Variants in OPRK1 observed in about 807,000 individuals in gnomAD.
OPRK1 encodes the protein opioid receptor kappa 1.
A neutral mutation model predicts 24.5 loss-of-function variants in OPRK1; 15 were observed. The ratio of observed to expected loss-of-function variants is 0.61; its 90% confidence interval spans 0.41 to 0.94. The LOEUF (loss-of-function observed/expected upper bound fraction) is 0.94. Ranked by LOEUF, OPRK1 falls within the 40% of genes least tolerant of loss-of-function variation. The pLI is 0.00. For missense variants in OPRK1, 479 were observed against 507.3 expected, an observed-to-expected ratio of 0.94 and a Z score of 0.54; for synonymous variants, 205 against 198.0, an observed-to-expected ratio of 1.04 and a Z score of -0.30.
At chr8:53,249,688 A>T (rs1407781716) in intron 2 of OPRK1, among the ~76,000 whole-genome samples, 1 of 152,262 alleles carries the variant, frequency 6.6e-6, no homozygotes, top group African/African-American at 2.4e-5. Context: ...TCCAAGAGAA[A>T]CATTTATGCT....
At chr8:53,245,512 C>T (rs1807208476) in intron 2 of OPRK1, among the ~76,000 whole-genome samples, 1 of 152,156 alleles carries the variant, frequency 6.6e-6, no homozygotes, top group Non-Finnish European at 1.5e-5. Context: ...GCAGCCTCAG[C>T]AAACTAAGGG....
At chr8:53,238,630 C>A in intron 2 of OPRK1, 9 of 985,450 alleles carry the variant, frequency 9.1e-6, no homozygotes, top group Non-Finnish European at 1.1e-5. Context: ...TCAAGACCAT[C>A]CTAGCGTACT....
rs202053002 is a variant in OPRK1 at position 53,234,752 on chromosome 8, C to T, written c.610+7G>A. 1.1e-5 allele frequency: 18 copies of T among 1,604,190 alleles called. No homozygotes were observed. The highest frequency in any genetic ancestry group is 1.5e-5 in the Non-Finnish European group (17 of 1,171,804). On this transcript the variant is annotated splice_region_variant and intron_variant, in intron 3 of 3. Coordinates refer to ENST00000265572, the MANE Select transcript of OPRK1 (RefSeq NM_000912.5). ...TTTTATGAACAGAATGAAATGACTG[C>T]TCTTACCTTCCCTGACTTTGGTGCC...
intron 3 of OPRK1, among the ~76,000 whole-genome samples, chr8:53,231,080 T>C (rs10099942): frequency 6.6e-6 from 1 of 151,992 alleles, no homozygotes; most frequent in Non-Finnish European, 1.5e-5. Flanking sequence ...CCTTCATGTA[T>C]CAATGAAATA....
chr8:53,239,065 C>G (rs1253746662), intron 2 of OPRK1, among the ~76,000 whole-genome samples: 1 of 152,150 alleles, frequency 6.6e-6, no homozygotes, highest in Non-Finnish European at 1.5e-5. Context: ...ATATACCTTT[C>G]AAATCAACAC....
At chr8:53,236,981 T>G (rs1490598219) in intron 2 of OPRK1, among the ~76,000 whole-genome samples, 2 of 152,152 alleles carry the variant, frequency 1.3e-5, no homozygotes, top group Non-Finnish European at 2.9e-5. Flanking sequence ...CGAGTATATT[T>G]TAGAGGGTCC....
chr8:53,233,059 T>C (rs995039094), intron 3 of OPRK1, among the ~76,000 whole-genome samples: 12 of 152,238 alleles, frequency 7.9e-5, no homozygotes, highest in African/African-American at 2.9e-4. Context: ...TATGATAAAG[T>C]TGGGCATTTC....
intron 3 of OPRK1, among the ~76,000 whole-genome samples, chr8:53,233,964 G>A (rs1283343855): frequency 6.6e-6 from 1 of 151,972 alleles, no homozygotes; most frequent in Non-Finnish European, 1.5e-5. Flanking sequence ...TTGGGAGGCC[G>A]AGGCGGGCAG....
chr8:53,230,921 A>T lies in OPRK1; in HGVS notation c.611-1092T>A, dbSNP rs148349404. On this transcript the variant is annotated intron_variant, in intron 3 of 3. Coordinates refer to ENST00000265572, the MANE Select transcript of OPRK1 (RefSeq NM_000912.5). ...AAAAATAGCACATGAATATTTTTTT[A>T]AATAGCAAAACAGCTCTATTAATGT... 8.7e-3 allele frequency among the ~76,000 whole-genome samples: 1,323 copies of T among 152,336 alleles called. 86 individuals are homozygous for T. The highest frequency in any genetic ancestry group is 0.081 in the Admixed American group (1,243 of 15,298).
Position 53,234,934 on chromosome 8 carries a change from G to T in OPRK1, c.435C>A (p.Ser145Arg), listed in dbSNP as rs1806953964. 6.2e-7 allele frequency: 1 copy of T among 1,614,226 alleles called. No homozygotes were observed. Among genetic ancestry groups the T allele is most frequent in the Non-Finnish European group, 8.5e-7 (1 of 1,180,038 alleles). The change falls in exon 3 of 4, where the codon AGC becomes AGA. Residue 145 changes from serine (S) to arginine (R), a missense_variant. Physicochemically the swap from Ser to Arg is moderately radical, Grantham distance 110. Transcript: ENST00000265572. ...CGCTCATCATGGTCAAGGTGAAGATGCTGGTGAACATGTTGTAGTAATCAA... is the reference window on the plus strand; with the variant it reads ...CGCTCATCATGGTCAAGGTGAAGATTCTGGTGAACATGTTGTAGTAATCAA... ...ISIDYYNMFT[S>R]IFTLTMMSVD...
rs534930417 is a variant in OPRK1, at chr8:53,236,780, C to A, written c.258-1669G>T. Among the ~76,000 whole-genome samples, 741 of 152,178 alleles carry A rather than the reference C, an allele frequency of 4.9e-3. 4 individuals are homozygous for A. The highest frequency in any genetic ancestry group is 0.034 in the South Asian group (162 of 4,816). ...TTTGAAAAAAATGCATCTTACAAAC[C>A]TAACTTCTACTCTTTCAACTCCTCC... On this transcript the variant is annotated intron_variant, in intron 2 of 3. Transcript: ENST00000265572.
chr8:53,250,801 C>G lies in OPRK1; in HGVS notation c.237G>C (p.Leu79=). 6.2e-7 allele frequency: 1 copy of G among 1,610,194 alleles called. No homozygotes were observed. The highest frequency in any genetic ancestry group is 1.1e-5 in the South Asian group (1 of 90,618). The change falls in exon 2 of 4, where the codon CTG becomes CTC. Residue 79 remains leucine, a synonymous_variant. Transcript: ENST00000265572. ...VFVVGLVGNS[L]VMFVIIRYTK... ...CTCACCGGATGATCACGAACATGAC[C>G]AGCGAGTTGCCCACCAAGCCCACGA... is the stretch of plus-strand genomic sequence containing the variant.
At position 53,225,727 on chromosome 8, in the gene OPRK1, T is replaced by G. The variant is rs1806663741; in HGVS notation, c.*3570A>C. 6.6e-6 allele frequency: 1 copy of G among 152,660 alleles called. No homozygotes were observed. The highest frequency in any genetic ancestry group is 1.5e-5 in the Non-Finnish European group (1 of 68,044). 9.5% of individuals were successfully genotyped at this position (152,660 alleles called of 1,614,324 possible). ...TTACCACAATAATTGACTGTTGTGA[T>G]TTTCAGCAGGTACAGTTTTGATTTT... On this transcript the variant is annotated 3_prime_UTR_variant, in exon 4 of 4. Transcript: ENST00000265572.
chr8:53,244,479 A>G (rs997135354), intron 2 of OPRK1, among the ~76,000 whole-genome samples: 7 of 152,176 alleles, frequency 4.6e-5, no homozygotes, highest in Non-Finnish European at 1.0e-4. Flanking sequence ...GGAGGTTTCA[A>G]TACTGCTGAG....
At position 53,229,309 on chromosome 8, in the gene OPRK1, A is replaced by G; in HGVS notation, c.1131T>C (p.Asn377=). Residue 377 remains asparagine, a synonymous_variant, in exon 4 of 4, where the codon AAT becomes AAC. Coordinates refer to ENST00000265572, the MANE Select transcript of OPRK1 (RefSeq NM_000912.5). ...PAYLRDIDGM[N]KPV ...TCTCCACGACTAGTCATACTGGTTT[A>G]TTCATCCCATCGATGTCCCTCAGGT... 6.2e-7 allele frequency: 1 copy of G among 1,613,578 alleles called. No individual in the cohort carries two copies. Among genetic ancestry groups the G allele is most frequent in the Non-Finnish European group, 8.5e-7 (1 of 1,179,640 alleles).
intron 2 of OPRK1, among the ~76,000 whole-genome samples, chr8:53,248,846 G>A (rs1462302618): frequency 3.9e-5 from 6 of 152,132 alleles, no homozygotes; most frequent in Admixed American, 6.5e-5. Flanking sequence ...ATCATCAAAC[G>A]TAACCTTTAA....
intron 2 of OPRK1, among the ~76,000 whole-genome samples, chr8:53,243,313 T>A (rs747230572): frequency 2.0e-5 from 3 of 152,162 alleles, no homozygotes; most frequent in Non-Finnish European, 4.4e-5. Flanking sequence ...TTGCTGCTGA[T>A]GAGATGCAGC....
At chr8:53,238,412 C>G in intron 2 of OPRK1, 1 of 448,996 alleles carries the variant, frequency 2.2e-6, no homozygotes, top group Non-Finnish European at 2.9e-6. Context: ...ATGAAAAGAG[C>G]AAAGTCCGTG....
intron 1 of OPRK1, 42 bp from the exon 2 acceptor site, chr8:53,251,127 T>C: frequency 7.1e-7 from 1 of 1,407,562 alleles, no homozygotes. Context: ...AGAGGCAAAC[T>C]TTGCCCGCGC....
Sources: gnomAD v4.1 joint callset for allele counts (sites outside exome capture counted in the v4.1 genomes callset) on GRCh38, gnomAD v4.1.1 for gene constraint, MANE v1.5 for transcripts, NCBI Gene and HGNC (gene_info 2026-07-23, HGNC 2026-07-21) for gene names.